F11: variants seen among roughly 807,000 people sequenced by gnomAD.
F11 encodes the protein coagulation factor XI.
A neutral mutation model predicts 76.5 loss-of-function variants in F11; 78 were observed. The ratio of observed to expected loss-of-function variants is 1.02; its 90% CI spans 0.85 to 1.23. F11 has a LOEUF of 1.23. Among genes scored for constraint, F11 ranks in the 50% most tolerant of loss-of-function variants. The probability of loss-of-function intolerance (pLI) is 0.00; values close to 1 mark genes in which losing one functional copy is unlikely to be tolerated. For synonymous variants in F11, 278 were observed against 276.3 expected, an observed-to-expected ratio of 1.01 and a Z score of -0.06; for missense variants, 742 against 771.4, an observed-to-expected ratio of 0.96 and a Z score of 0.45.
intron 10 of F11, among the ~76,000 whole-genome samples, chr4:186,283,644 G>A (rs1171275099): frequency 6.6e-6 from 1 of 152,198 alleles, no homozygotes; most frequent in Non-Finnish European, 1.5e-5. Context: ...CTTTCTAAGA[G>A]CAGTTCTCAA....
In F11 at chr4:186,289,291, C is replaced by T. The variant is rs1418175806; in HGVS notation, c.*677C>T. The stretch of plus-strand genomic sequence containing the variant: ...TACCTTAGGGGCAATCTTGAAGATA[C>T]ACTTTCCTGAAAAATGATTTGTGAT... On this transcript the variant is annotated 3_prime_UTR_variant, in exon 15 of 15. Transcript: ENST00000403665. 1.3e-5 allele frequency among the ~76,000 whole-genome samples: 2 copies of T among 152,156 alleles called. No homozygotes were observed. The highest frequency in any genetic ancestry group is 2.9e-5 in the Non-Finnish European group (2 of 68,032).
rs561669232 is a variant in F11, at chr4:186,288,411, T to G, written c.1717-42T>G. 3.3e-5 allele frequency: 54 copies of G among 1,613,598 alleles called. 1 individual carries two copies. The South Asian group carries it at 5.5e-4, about 16-fold the overall frequency. On this transcript the variant is annotated intron_variant, in intron 14 of 14. Transcript: ENST00000403665. The stretch of plus-strand genomic sequence containing the variant: ...AGATGTGCTGAAGATGGGAAGCGTC[T>G]GAGTTGATCTGTGCACCTTTTCTTG...
chr4:186,280,044 G>T lies in F11; in HGVS notation c.788G>T (p.Gly263Val), dbSNP rs281875274. The T allele has an allele frequency of 3.1e-6, 5 of 1,613,900 alleles. No homozygotes were observed. The highest frequency in any genetic ancestry group is 4.2e-6 in the Non-Finnish European group (5 of 1,179,946). The change falls in exon 8 of 15, where the codon GGA becomes GTA. Residue 263 changes from glycine to valine, a missense_variant. Coordinates refer to ENST00000403665, the MANE Select transcript of F11 (RefSeq NM_000128.4). ...NLCLLKTSESGLPSTRIKKSK... is the reference protein window; with the variant it reads ...NLCLLKTSESVLPSTRIKKSK... ...TGTCTCCTTAAAACATCTGAGAGTG[G>T]ATTGCCCAGTACACGCATTAAAAAG... is the stretch of plus-strand genomic sequence containing the variant.
chr4:186,285,236 T>G (rs1741098672), intron 11 of F11, among the ~76,000 whole-genome samples: 1 of 152,160 alleles, frequency 6.6e-6, no homozygotes, highest in African/African-American at 2.4e-5. Context: ...TCCCGTTACC[T>G]GTCACATATG....
intron 11 of F11, among the ~76,000 whole-genome samples, chr4:186,285,050 C>G (rs1204213037): frequency 1.3e-5 from 2 of 152,162 alleles, no homozygotes; most frequent in Non-Finnish European, 2.9e-5. Flanking sequence ...AAGGCTCCAG[C>G]TGGGGGTATA....
At chr4:186,266,780 G>C (rs192196903) in intron 1 of F11, among the ~76,000 whole-genome samples, 181 of 152,232 alleles carry the variant, frequency 1.2e-3, no homozygotes, top group African/African-American at 4.0e-3. Context: ...AAAAAAATTG[G>C]GAAAGGAAAC....
intron 2 of F11, among the ~76,000 whole-genome samples, chr4:186,271,293 G>A (rs751400774): frequency 6.6e-6 from 1 of 152,184 alleles, no homozygotes; most frequent in Non-Finnish European, 1.5e-5. Flanking sequence ...ACCTGGATGA[G>A]ATCCTAAAAA....
intron 13 of F11, chr4:186,286,847 T>A: frequency 1.5e-5 from 5 of 337,124 alleles, no homozygotes; most frequent in Non-Finnish European, 2.1e-5. Flanking sequence ...TTTTTGAACT[T>A]AATTAACATT....
intron 10 of F11, chr4:186,282,493 T>C (rs748621715): frequency 2.0e-6 from 2 of 985,256 alleles, no homozygotes; most frequent in African/African-American, 3.5e-5. Context: ...TTTCTGAAGA[T>C]AGATAGCAGC....
chr4:186,271,775 A>G lies in F11; in HGVS notation c.218+4A>G, dbSNP rs767240420. ...CATCTGAGGATCCCACCCGATGGTA[A>G]ATGCTTATGTTTCTACATCGAGGAG... On this transcript the variant is annotated splice_donor_region_variant and intron_variant, in intron 3 of 14. Transcript: ENST00000403665. 1.9e-6 allele frequency: 3 copies of G among 1,614,162 alleles called. No individual in the cohort carries two copies. The South Asian group carries it at 3.3e-5, about 18-fold the overall frequency.
At chr4:186,283,265 G>T (rs566736051) in intron 10 of F11, among the ~76,000 whole-genome samples, 38 of 152,174 alleles carry the variant, frequency 2.5e-4, no homozygotes, top group African/African-American at 7.7e-4. Flanking sequence ...GTGTGTGTGT[G>T]TGTCTAGAAT....
Position 186,271,662 on chromosome 4 carries a change from A to G in F11, c.109A>G (p.Thr37Ala). ...CTGCTTTGAAGGAGGGGACATTACT[A>G]CGGTCTTCACACCAAGCGCCAAGTA... ...DTCFEGGDITTVFTPSAKYCQ... is the reference protein window; with the variant it reads ...DTCFEGGDITAVFTPSAKYCQ... Residue 37 changes from threonine (T) to alanine (A), a missense_variant, in exon 3 of 15, where the codon ACG becomes GCG. Coordinates refer to ENST00000403665, the MANE Select transcript of F11 (RefSeq NM_000128.4). The G allele has an allele frequency of 6.2e-7, 1 of 1,614,158 alleles. No individual in the cohort carries two copies. The highest frequency in any genetic ancestry group is 8.5e-7 in the Non-Finnish European group (1 of 1,180,022).
In F11 at chr4:186,268,849, G is replaced by A. The variant is rs139252400; in HGVS notation, c.55+1658G>A. ...TGTATACATTAGAATACAGAAAAGG[G>A]AAAAATTAATGATATAAGATGACAA... On this transcript the variant is annotated intron_variant, in intron 2 of 14. Transcript: ENST00000403665. 3.0e-3 allele frequency among the ~76,000 whole-genome samples: 452 copies of A among 152,144 alleles called. 1 individual carries two copies. The highest frequency in any genetic ancestry group is 0.01 in the African/African-American group (431 of 41,518).
chr4:186,266,854 G>C (rs1030024528), intron 1 of F11, among the ~76,000 whole-genome samples: 1 of 152,162 alleles, frequency 6.6e-6, no homozygotes, highest in Non-Finnish European at 1.5e-5. Context: ...TCTGAACACA[G>C]AGAGCGGCGG....
chr4:186,272,429 GTCAC>G (rs1369736649), intron 3 of F11, among the ~76,000 whole-genome samples: 1 of 152,122 alleles, frequency 6.6e-6, no homozygotes, highest in Non-Finnish European at 1.5e-5. Context: ...CTTACCAAGA[GTCAC>G]TCACTGCATT....
chr4:186,272,366 T>C (rs1396003699), intron 3 of F11, among the ~76,000 whole-genome samples: 1 of 152,204 alleles, frequency 6.6e-6, no homozygotes, highest in Non-Finnish European at 1.5e-5. Context: ...CAAGAATTCC[T>C]TTATATTATT....
rs1055465950 is a variant in F11 at position 186,289,232 on chromosome 4, A to G, written c.*618A>G. 1.3e-5 allele frequency among the ~76,000 whole-genome samples: 2 copies of G among 152,254 alleles called. No homozygotes were observed. Among genetic ancestry groups the G allele is most frequent in the African/African-American group, 4.8e-5 (2 of 41,464 alleles). On this transcript the variant is annotated 3_prime_UTR_variant, in exon 15 of 15. Transcript: ENST00000403665. ...GAAGATAACAGAATTTCTGTGTGGA[A>G]GAGGATTACAAGCAGCAATTTACCT...
Position 186,280,224 on chromosome 4 carries a change from G to T in F11, c.867G>T (p.Val289=). The change falls in exon 9 of 15, where the codon GTG becomes GTT. Residue 289 remains valine (V), a splice_region_variant and synonymous_variant. Transcript: ENST00000403665. ...SLQSCRHSIP[V]FCHSSFYHDT... ...TCTGACATGTGGTCTGCTGTCTAGT[G>T]TTCTGCCATTCTTCATTTTACCATG... is the stretch of plus-strand genomic sequence containing the variant. 6.2e-7 allele frequency: 1 copy of T among 1,614,176 alleles called. No homozygotes were observed. Among genetic ancestry groups the T allele is most frequent in the Non-Finnish European group, 8.5e-7 (1 of 1,180,034 alleles).
At chr4:186,285,396 G>T (rs1446488490) in intron 11 of F11, among the ~76,000 whole-genome samples, 1 of 151,890 alleles carries the variant, frequency 6.6e-6, no homozygotes, top group Non-Finnish European at 1.5e-5. Context: ...GCGGGTGTGT[G>T]CGTGTGTGTG....
Sources: allele counts gnomAD v4.1 joint callset (sites outside exome capture counted in the v4.1 genomes callset), GRCh38; gene constraint gnomAD v4.1.1; transcripts MANE v1.5; gene names NCBI Gene and HGNC (gene_info 2026-07-23, HGNC 2026-07-21).